SLC35F3: variants seen among roughly 807,000 people sequenced by gnomAD.
SLC35F3 encodes the protein solute carrier family 35 member F3, also known as putative thiamine transporter SLC35F3.
In SLC35F3, 25 loss-of-function variants were observed where a neutral mutation model predicts 49.9. The ratio of observed to expected loss-of-function variants is 0.50; its 90% CI spans 0.37 to 0.70. SLC35F3 has a LOEUF of 0.70. Among genes scored for constraint, SLC35F3 ranks in the 30% least tolerant of loss-of-function variants. SLC35F3 has a pLI of 0.00. For missense variants in SLC35F3, 525 were observed against 639.8 expected, an observed-to-expected ratio of 0.82 and a Z score of 1.94; for synonymous variants, 275 against 265.4, an observed-to-expected ratio of 1.04 and a Z score of -0.35.
At chr1:233,985,440 A>G (rs1663251551) in intron 2 of SLC35F3, among the ~76,000 whole-genome samples, 1 of 152,242 alleles carries the variant, frequency 6.6e-6, no homozygotes, top group Non-Finnish European at 1.5e-5. Context: ...TGAAGAATCT[A>G]TCAACTGTTT....
intron 2 of SLC35F3, among the ~76,000 whole-genome samples, chr1:233,959,957 G>T (rs1359693464): frequency 6.6e-6 from 1 of 152,170 alleles, no homozygotes; most frequent in Non-Finnish European, 1.5e-5. Flanking sequence ...CCCACCTTGT[G>T]CAGTGTTTTG....
chr1:234,305,712 T>C (rs1657151818), intron 3 of SLC35F3, among the ~76,000 whole-genome samples: 1 of 152,216 alleles, frequency 6.6e-6, no homozygotes, highest in African/African-American at 2.4e-5. Flanking sequence ...TAAGTCTTTC[T>C]TGAAGCTCTC....
intron 2 of SLC35F3, among the ~76,000 whole-genome samples, chr1:234,065,891 T>G (rs1289491049): frequency 6.6e-6 from 1 of 152,204 alleles, no homozygotes; most frequent in African/African-American, 2.4e-5. Flanking sequence ...AAACTTGCCA[T>G]ACATGAGGTC....
chr1:233,940,346 A>G (rs1036328920), intron 2 of SLC35F3, among the ~76,000 whole-genome samples: 1 of 138,174 alleles, frequency 7.2e-6, no homozygotes, highest in African/African-American at 2.8e-5. Context: ...AGGCCAAGGG[A>G]TACAGACACA....
chr1:234,229,795 G>A lies in SLC35F3; in HGVS notation c.284-1622G>A, dbSNP rs571634573. 2.6e-5 allele frequency among the ~76,000 whole-genome samples: 4 copies of A among 152,276 alleles called. No homozygotes were observed. The South Asian group carries it at 6.2e-4, about 24-fold the overall frequency. On this transcript the variant is annotated intron_variant, in intron 2 of 7. Transcript: ENST00000366618. The stretch of plus-strand genomic sequence containing the variant: ...GTTAATTCAAAATGGCAGGTAATCC[G>A]TGTGTAAATTGAAATGTGCATGCTT...
At chr1:234,010,375 A>G (rs372085734) in intron 2 of SLC35F3, among the ~76,000 whole-genome samples, 2 of 152,224 alleles carry the variant, frequency 1.3e-5, no homozygotes, top group African/African-American at 4.8e-5. Flanking sequence ...TTCAAAGCAT[A>G]TCACTGTGGA....
intron 2 of SLC35F3, among the ~76,000 whole-genome samples, chr1:234,097,547 C>T (rs1417106605): frequency 6.6e-6 from 1 of 150,448 alleles, no homozygotes; most frequent in Non-Finnish European, 1.5e-5. Flanking sequence ...CATACACGCA[C>T]ACACACGCAC....
chr1:233,946,500 G>A (rs1662515924), intron 2 of SLC35F3, among the ~76,000 whole-genome samples: 1 of 152,098 alleles, frequency 6.6e-6, no homozygotes, highest in African/African-American at 2.4e-5. Flanking sequence ...TTATCCCATT[G>A]CTGTGAAACA....
intron 2 of SLC35F3, among the ~76,000 whole-genome samples, chr1:234,185,493 A>C (rs1201879930): frequency 6.6e-6 from 1 of 152,210 alleles, no homozygotes; most frequent in Non-Finnish European, 1.5e-5. Context: ...TTATTCATTA[A>C]TTAGTAGCTT....
chr1:234,143,288 C>CTTTTTTTTTTTT (rs1352256091), intron 2 of SLC35F3, among the ~76,000 whole-genome samples: 10 of 123,562 alleles, frequency 8.1e-5, no homozygotes, highest in African/African-American at 2.8e-4. Context: ...CTTTTCTTTT[C>CTTTTTTTTTTTT]TTTTTTTTTT....
At position 233,981,534 on chromosome 1, in the gene SLC35F3, G is replaced by A. The variant is rs549716565; in HGVS notation, c.283+75776G>A. On this transcript the variant is annotated intron_variant, in intron 2 of 7. Coordinates refer to ENST00000366618, the MANE Select transcript of SLC35F3 (RefSeq NM_173508.4). ...GAGCGGGATTCAACAGCGTGGATGT[G>A]TCACAATTTGTTTTACTGTCTACGC... 7.2e-5 allele frequency among the ~76,000 whole-genome samples: 11 copies of A among 152,234 alleles called. No homozygotes were observed. In the South Asian group the frequency reaches 2.3e-3, roughly 32 times the overall value.
Position 234,266,416 on chromosome 1 carries a change from G to A in SLC35F3, c.608+34675G>A, listed in dbSNP as rs12036367. 2.9e-3 allele frequency among the ~76,000 whole-genome samples: 438 copies of A among 152,280 alleles called. 14 individuals are homozygous for A. In the East Asian group the frequency reaches 0.062, roughly 22 times the overall value. On this transcript the variant is annotated intron_variant, in intron 3 of 7. Coordinates refer to ENST00000366618, the MANE Select transcript of SLC35F3 (RefSeq NM_173508.4). ...CCACCAGAATGGCAGAACTAACAAA[G>A]CAGACAGTATCAGGCGAGGTGAGGA...
chr1:234,003,564 T>G (rs914096306), intron 2 of SLC35F3, among the ~76,000 whole-genome samples: 2 of 152,078 alleles, frequency 1.3e-5, no homozygotes, highest in Non-Finnish European at 2.9e-5. Context: ...AATGTGGCAG[T>G]ATATTTGCAC....
chr1:234,104,521 C>T (rs1042652111), intron 2 of SLC35F3, among the ~76,000 whole-genome samples: 2 of 152,022 alleles, frequency 1.3e-5, no homozygotes, highest in African/African-American at 4.8e-5. Flanking sequence ...GTGCTAAGAG[C>T]CACATCAATG....
At chr1:234,064,015 G>A (rs75716381) in intron 2 of SLC35F3, among the ~76,000 whole-genome samples, 355 of 152,290 alleles carry the variant, frequency 2.3e-3, no homozygotes, top group African/African-American at 7.9e-3. Flanking sequence ...TGAACTGTTT[G>A]TTTTTATAAT....
chr1:234,149,603 A>G (rs976091826), intron 2 of SLC35F3, among the ~76,000 whole-genome samples: 2 of 152,134 alleles, frequency 1.3e-5, no homozygotes, highest in Non-Finnish European at 2.9e-5. Flanking sequence ...AGGCATCCCT[A>G]ATCCTATGAA....
chr1:234,321,317 T>C (rs4920232), intron 7 of SLC35F3, among the ~76,000 whole-genome samples: 16,886 of 152,184 alleles, frequency 0.11, 1,047 homozygotes, highest in African/African-American at 0.15. Context: ...GGTCCCAACA[T>C]ATCTGCTCTC....
chr1:234,198,896 C>T (rs1666854846), intron 2 of SLC35F3, among the ~76,000 whole-genome samples: 1 of 152,000 alleles, frequency 6.6e-6, no homozygotes, highest in Non-Finnish European at 1.5e-5. Context: ...TACCTAATTT[C>T]AAAATATATT....
At chr1:234,017,181 T>A (rs1470604936) in intron 2 of SLC35F3, among the ~76,000 whole-genome samples, 1 of 152,226 alleles carries the variant, frequency 6.6e-6, no homozygotes, top group Non-Finnish European at 1.5e-5. Context: ...CTGAACAGTT[T>A]CTTTTTAAGC....
Sources: gnomAD v4.1 joint callset for allele counts (sites outside exome capture counted in the v4.1 genomes callset) on GRCh38, gnomAD v4.1.1 for gene constraint, MANE v1.5 for transcripts, NCBI Gene and HGNC (gene_info 2026-07-23, HGNC 2026-07-21) for gene names.